UNC80: variants seen among roughly 807,000 people sequenced by gnomAD.
UNC80 encodes unc-80 subunit of NALCN channel complex, also known as protein unc-80 homolog.
Under a neutral mutation model 384.6 loss-of-function variants are expected in UNC80, and 164 were observed. That is an observed-to-expected ratio of 0.43 (90% CI 0.38 to 0.49). The LOEUF is 0.49. Among genes scored for constraint, UNC80 ranks in the 20% least tolerant of loss-of-function variants. The pLI, the probability that UNC80 is intolerant of heterozygous loss-of-function variation, is 0.00. For synonymous variants in UNC80, 1,486 were observed against 1,527.8 expected (o/e 0.97, Z 0.64); for missense variants, 3,330 against 4,143.0 (o/e 0.80, Z 5.39).
At position 209,789,565 on chromosome 2, in the gene UNC80, G is replaced by A. The variant is rs547993640; in HGVS notation, c.758G>A (p.Arg253Gln). The A allele has an allele frequency of 2.0e-5, 32 of 1,613,418 alleles. No homozygotes were observed. The South Asian group carries it at 2.3e-4, about 12-fold the overall frequency. Reference sequence around the variant, plus strand: ...AGTTCTCCTATCAACAGTCAAAGCCGGACCTGTGAATCACCAAATCAAGAT... The same window carrying A: ...AGTTCTCCTATCAACAGTCAAAGCCAGACCTGTGAATCACCAAATCAAGAT... ...KRSSPINSQS[R>Q]TCESPNQDAR... Residue 253 changes from arginine (R) to glutamine (Q), a missense_variant, in exon 6 of 65, where the codon CGG becomes CAG. Physicochemically the swap from Arg to Gln is conservative, Grantham distance 43. This residue lies in a region of UNC80 where 937 missense variants were observed against 1,026.8 expected (regional missense o/e 0.91). Transcript: ENST00000673920.
At chr2:209,948,738 C>T (rs1037592579) in intron 47 of UNC80, among the ~76,000 whole-genome samples, 2 of 151,856 alleles carry the variant, frequency 1.3e-5, no homozygotes, top group Admixed American at 6.6e-5. Context: ...ATTTCTGATC[C>T]CGGGGTATGG....
At chr2:209,821,218 G>C (rs2080111246) in intron 13 of UNC80, among the ~76,000 whole-genome samples, 1 of 152,000 alleles carries the variant, frequency 6.6e-6, no homozygotes, top group African/African-American at 2.4e-5. Flanking sequence ...CCTCTTCTTT[G>C]TGCATGCAGA....
At position 209,921,638 on chromosome 2, in the gene UNC80, G is replaced by A. The variant is rs1244418153; in HGVS notation, c.5482G>A (p.Ala1828Thr). Residue 1828 changes from alanine (A) to threonine (T), a missense_variant, in exon 34 of 65, where the codon GCT (alanine) becomes ACT (threonine). Around this residue, in one of 8 missense-constraint regions of UNC80, gnomAD observed 1,049 missense variants for 1,488.6 expected, o/e 0.70. Coordinates refer to ENST00000673920, the MANE Select transcript of UNC80 (RefSeq NM_001371986.1). ...CACTGCCATCCCCATCACCCAGGAG[G>A]CTTGCTATGAGCCCACATGCACGCC... ...LITAIPITQE[A>T]CYEPTCTPNS... is the part of the protein sequence containing the mutation. The A allele has an allele frequency of 4.5e-6, 7 of 1,551,612 alleles. No individual in the cohort carries two copies. The highest frequency in any genetic ancestry group is 6.1e-6 in the Non-Finnish European group (7 of 1,146,954).
At chr2:209,995,307 G>C in intron 64 of UNC80, 22 bp from the exon 65 acceptor site, 1 of 1,551,432 alleles carries the variant, frequency 6.4e-7, no homozygotes, top group Non-Finnish European at 8.7e-7. Context: ...TTTCCATAAT[G>C]TTATGATCCT....
intron 14 of UNC80, among the ~76,000 whole-genome samples, chr2:209,827,755 A>G (rs545046903): frequency 6.6e-6 from 1 of 152,264 alleles, no homozygotes; most frequent in East Asian, 1.9e-4. Flanking sequence ...TTAAAATACT[A>G]AGAATATTTC....
chr2:209,865,563 C>T (rs1270357199), intron 22 of UNC80, among the ~76,000 whole-genome samples: 1 of 150,990 alleles, frequency 6.6e-6, no homozygotes, highest in Non-Finnish European at 1.5e-5. Flanking sequence ...GATCCCGCCA[C>T]TGCACTCCAG....
chr2:209,897,164 T>G (rs906067087), intron 28 of UNC80, among the ~76,000 whole-genome samples: 1 of 152,170 alleles, frequency 6.6e-6, no homozygotes, highest in Non-Finnish European at 1.5e-5. Context: ...CTGAGGCAGC[T>G]GTTTTTTTAA....
intron 35 of UNC80, 133 bp downstream of exon 35, chr2:209,922,516 A>C: frequency 2.6e-6 from 3 of 1,147,888 alleles, no homozygotes; most frequent in Non-Finnish European, 3.5e-6. Context: ...ATTCTAAAAA[A>C]AATTAGCATG....
intron 29 of UNC80, among the ~76,000 whole-genome samples, chr2:209,906,208 G>A (rs1044256601): frequency 3.3e-5 from 5 of 152,066 alleles, no homozygotes; most frequent in Non-Finnish European, 4.4e-5. Context: ...CAGTTGAGTC[G>A]TGTAGCAATT....
Position 209,937,587 on chromosome 2 carries a change from T to A in UNC80, c.6422T>A (p.Val2141Glu), listed in dbSNP as rs1412412507. The A allele has an allele frequency of 6.4e-7, 1 of 1,551,820 alleles. No homozygotes were observed. Among genetic ancestry groups the A allele is most frequent in the Non-Finnish European group, 8.7e-7 (1 of 1,146,908 alleles). The change falls in exon 42 of 65, where the codon GTA becomes GAA. Residue 2141 changes from valine to glutamate, a missense_variant. By Grantham distance (121) the Val-to-Glu change is moderately radical. Around this residue, in one of 8 missense-constraint regions of UNC80, gnomAD observed 1,049 missense variants for 1,488.6 expected, o/e 0.70. Transcript: ENST00000673920. ...RRSVSPQLNL[V>E]HMHPEKGQEL... ...TCAGTATCTCCCCAGCTGAATCTTG[T>A]ACATATGCATCCAGAGAAGGGACAG...
At chr2:209,930,633 T>C (rs1489843380) in intron 37 of UNC80, among the ~76,000 whole-genome samples, 1 of 152,164 alleles carries the variant, frequency 6.6e-6, no homozygotes, top group East Asian at 1.9e-4. Context: ...TCCCGTCATA[T>C]CAGGCTACCA....
chr2:209,908,118 C>T (rs1056680568), intron 29 of UNC80, among the ~76,000 whole-genome samples: 2 of 152,204 alleles, frequency 1.3e-5, no homozygotes, highest in African/African-American at 4.8e-5. Context: ...TTTTCATTTG[C>T]CTGTTGTGAA....
intron 4 of UNC80, among the ~76,000 whole-genome samples, chr2:209,783,565 T>A (rs1306301104): frequency 1.3e-5 from 2 of 152,178 alleles, no homozygotes; most frequent in Non-Finnish European, 2.9e-5. Flanking sequence ...AGATCTCAAC[T>A]TGTATTCAAG....
chr2:209,910,114 A>G (rs149404794), intron 29 of UNC80, among the ~76,000 whole-genome samples: 2,469 of 151,606 alleles, frequency 0.016, 78 homozygotes, highest in African/African-American at 0.056. Flanking sequence ...GTAACCCAAG[A>G]CCAAAGGACA....
In UNC80 at chr2:209,868,673, T is replaced by C. The variant is rs986210456; in HGVS notation, c.3628-4085T>C. 2.0e-5 allele frequency among the ~76,000 whole-genome samples: 3 copies of C among 152,206 alleles called. 1 individual carries two copies. Among genetic ancestry groups the C allele is most frequent in the African/African-American group, 7.2e-5 (3 of 41,470 alleles). Reference sequence around the variant, plus strand: ...CTCCTGATGTTTTCTACCTGTAGACTGTAAGAGACTCCCATGCTGTGCAAT... The same window carrying C: ...CTCCTGATGTTTTCTACCTGTAGACCGTAAGAGACTCCCATGCTGTGCAAT... On this transcript the variant is annotated intron_variant, in intron 22 of 64. Coordinates refer to ENST00000673920, the MANE Select transcript of UNC80 (RefSeq NM_001371986.1).
chr2:209,829,495 TC>T, intron 15 of UNC80, 116 bp downstream of exon 15: 2 of 1,061,260 alleles, frequency 1.9e-6, no homozygotes, highest in Non-Finnish European at 2.8e-6. Flanking sequence ...TACGTATGTG[TC>T]CATGCATGTG....
chr2:209,903,281 A>ATG (rs1273629922), intron 28 of UNC80, among the ~76,000 whole-genome samples: 7 of 119,542 alleles, frequency 5.9e-5, no homozygotes, highest in South Asian at 2.6e-4. Flanking sequence ...GAGCTGACTT[A>ATG]TGTGTGTGTG....
Position 209,995,718 on chromosome 2 carries a change from C to A in UNC80, c.*123C>A. 2 of 1,180,722 alleles carry A rather than the reference C, an allele frequency of 1.7e-6. No individual in the cohort carries two copies. The highest frequency in any genetic ancestry group is 2.3e-6 in the Non-Finnish European group (2 of 855,576). The allele number at this position is 1,180,722 out of a possible 1,614,324, so 73.1% of individuals were successfully genotyped here. ...ATAGCACTTTACTTCTAATGGGTGG[C>A]ACAAATCTGAATAGGTTTTGCTGCC... On this transcript the variant is annotated 3_prime_UTR_variant, in exon 65 of 65. Coordinates refer to ENST00000673920, the MANE Select transcript of UNC80 (RefSeq NM_001371986.1).
intron 44 of UNC80, among the ~76,000 whole-genome samples, chr2:209,942,224 G>A (rs1031073952): frequency 6.6e-6 from 1 of 152,066 alleles, no homozygotes; most frequent in African/African-American, 2.4e-5. Context: ...GTTTCATTCC[G>A]AAACCATCCC....
Sources: allele counts gnomAD v4.1 joint callset (sites outside exome capture counted in the v4.1 genomes callset), GRCh38; gene constraint gnomAD v4.1.1; regional missense constraint gnomAD v4.1.1; transcripts MANE v1.5; gene names NCBI Gene and HGNC (gene_info 2026-07-23, HGNC 2026-07-21).